Variants in ADGRL2 observed in about 807,000 individuals in gnomAD.
ADGRL2 encodes the protein adhesion G protein-coupled receptor L2.
ADGRL2 carries 44 observed loss-of-function variants against 157.4 expected under a neutral mutation model. The observed-to-expected ratio is 0.28, with a 90% CI of 0.22 to 0.36. ADGRL2 has a LOEUF of 0.36. Ranked by LOEUF, ADGRL2 falls within the 10% of genes least tolerant of loss-of-function variation. The probability of loss-of-function intolerance (pLI) is 1.00; values close to 1 mark genes in which losing one functional copy is unlikely to be tolerated. For missense variants in ADGRL2, 1,510 were observed against 1,768.9 expected (o/e 0.85, Z 2.63); for synonymous variants, 585 against 624.7 (o/e 0.94, Z 0.95).
chr1:81,984,214 T>C (rs2149474321), intron 19 of ADGRL2: 1 of 154,062 alleles, frequency 6.5e-6, no homozygotes, highest in South Asian at 2.1e-4. Flanking sequence ...GCAAGGAAAA[T>C]ACTAAATTTT....
intron 2 of ADGRL2, among the ~76,000 whole-genome samples, chr1:81,544,794 A>T (rs2148347344): frequency 6.6e-6 from 1 of 152,296 alleles, no homozygotes; most frequent in Admixed American, 6.5e-5. Context: ...ACATTTTTTT[A>T]AGCAAGATCA....
At chr1:81,932,900 C>G (rs1343721938) in intron 3 of ADGRL2, among the ~76,000 whole-genome samples, 1 of 152,112 alleles carries the variant, frequency 6.6e-6, no homozygotes, top group African/African-American at 2.4e-5. Flanking sequence ...CGGGGTTTCT[C>G]CATGTTGGTC....
chr1:81,559,162 C>T (rs1204116387), intron 2 of ADGRL2, among the ~76,000 whole-genome samples: 4 of 152,070 alleles, frequency 2.6e-5, no homozygotes, highest in Non-Finnish European at 5.9e-5. Flanking sequence ...TTGGACCTGA[C>T]CTCACCATTA....
At chr1:81,312,771 T>C (rs964214898) in intron 1 of ADGRL2, among the ~76,000 whole-genome samples, 2 of 152,248 alleles carry the variant, frequency 1.3e-5, no homozygotes, top group African/African-American at 4.8e-5. Context: ...ACTGTGGATA[T>C]GTATTTCTAA....
intron 3 of ADGRL2, among the ~76,000 whole-genome samples, chr1:81,624,623 T>C (rs2081871304): frequency 1.3e-5 from 2 of 151,736 alleles, no homozygotes; most frequent in South Asian, 4.1e-4. Flanking sequence ...AAGTATGAGA[T>C]TGGAGAACAT....
intron 2 of ADGRL2, among the ~76,000 whole-genome samples, chr1:81,880,851 C>T (rs921202874): frequency 1.3e-5 from 2 of 152,166 alleles, no homozygotes; most frequent in Non-Finnish European, 2.9e-5. Context: ...CCTTCCCTAT[C>T]TGCCTAGGCA....
chr1:81,472,756 G>A (rs2078197951), intron 2 of ADGRL2, among the ~76,000 whole-genome samples: 2 of 152,142 alleles, frequency 1.3e-5, no homozygotes, highest in South Asian at 4.1e-4. Context: ...TAAATGAAAT[G>A]GCACCATAAT....
At chr1:81,489,172 G>A (rs1050813592) in intron 2 of ADGRL2, among the ~76,000 whole-genome samples, 2 of 152,102 alleles carry the variant, frequency 1.3e-5, no homozygotes, top group Admixed American at 1.3e-4. Context: ...GGGAGGTGGA[G>A]GTTGCAGTGA....
chr1:81,501,776 C>G, intron 2 of ADGRL2: 1 of 1,608,208 alleles, frequency 6.2e-7, no homozygotes, highest in South Asian at 1.1e-5. Flanking sequence ...AAAAATGGAG[C>G]CACTTCAGCA....
intron 2 of ADGRL2, among the ~76,000 whole-genome samples, chr1:81,788,553 A>G (rs563174120): frequency 6.6e-6 from 1 of 152,286 alleles, no homozygotes; most frequent in Non-Finnish European, 1.5e-5. Flanking sequence ...TCTTTTCCCT[A>G]TGAATTACCT....
intron 2 of ADGRL2, among the ~76,000 whole-genome samples, chr1:81,567,490 G>A (rs17106707): frequency 0.037 from 5,585 of 152,130 alleles, 125 homozygotes; most frequent in African/African-American, 0.046. Context: ...TACTTATCCG[G>A]AATGCTGAAA....
intron 1 of ADGRL2, among the ~76,000 whole-genome samples, chr1:81,419,864 G>A (rs987220180): frequency 2.6e-5 from 4 of 152,076 alleles, no homozygotes; most frequent in African/African-American, 4.8e-5. Context: ...CAGTGAAAAC[G>A]TCTGGTCTAA....
chr1:81,642,616 G>A (rs2082243017), intron 3 of ADGRL2, among the ~76,000 whole-genome samples: 1 of 152,140 alleles, frequency 6.6e-6, no homozygotes, highest in South Asian at 2.1e-4. Context: ...TTTAAGGAAA[G>A]ATATTATAAG....
chr1:81,385,055 T>G (rs934332358), intron 1 of ADGRL2, among the ~76,000 whole-genome samples: 1 of 152,142 alleles, frequency 6.6e-6, no homozygotes, highest in African/African-American at 2.4e-5. Flanking sequence ...TTGCCTGTAC[T>G]CAGGTAGTCT....
At chr1:81,665,667 A>G (rs1167930087) in intron 3 of ADGRL2, among the ~76,000 whole-genome samples, 1 of 152,158 alleles carries the variant, frequency 6.6e-6, no homozygotes, top group Admixed American at 6.5e-5. Flanking sequence ...ATAATTCATA[A>G]ATCTCTGAGA....
intron 1 of ADGRL2, among the ~76,000 whole-genome samples, chr1:81,379,751 G>A (rs747833735): frequency 2.0e-5 from 3 of 152,066 alleles, no homozygotes; most frequent in Non-Finnish European, 4.4e-5. Context: ...GTCTTCTTCC[G>A]CTAATGTGTT....
At chr1:81,721,783 G>C (rs996740414) in intron 1 of ADGRL2, 3 of 1,364,992 alleles carry the variant, frequency 2.2e-6, no homozygotes, top group African/African-American at 2.9e-5. Flanking sequence ...TGTGCTTCCT[G>C]AGGGAGTGGG....
chr1:81,688,232 G>A (rs1237374041), intron 3 of ADGRL2, among the ~76,000 whole-genome samples: 1 of 152,080 alleles, frequency 6.6e-6, no homozygotes, highest in Non-Finnish European at 1.5e-5. Context: ...CTAGGCCAGG[G>A]CAGTTTTCCT....
At chr1:81,882,303 GC>G (rs1361785521) in intron 2 of ADGRL2, among the ~76,000 whole-genome samples, 1 of 152,102 alleles carries the variant, frequency 6.6e-6, no homozygotes, top group Non-Finnish European at 1.5e-5. Flanking sequence ...TTTGGTTTAT[GC>G]CAAATATACT....
Sources: allele counts gnomAD v4.1 joint callset (sites outside exome capture counted in the v4.1 genomes callset), GRCh38; gene constraint gnomAD v4.1.1; transcripts MANE v1.5; gene names NCBI Gene and HGNC (gene_info 2026-07-23, HGNC 2026-07-21).